The following ABCC4 variants were observed in gnomAD, a reference collection of about 807,000 sequenced individuals.
The protein encoded by ABCC4 is ATP-binding cassette sub-family C member 4.
In ABCC4, 102 loss-of-function variants were observed where a neutral mutation model predicts 168.5. The ratio of observed to expected loss-of-function variants is 0.61; its 90% CI spans 0.52 to 0.71. ABCC4 has a LOEUF of 0.71. Among genes scored for constraint, ABCC4 ranks in the 30% least tolerant of loss-of-function variants. ABCC4 has a pLI of 0.00. For synonymous variants in ABCC4, 617 were observed against 590.7 expected (o/e 1.04, Z -0.65); for missense variants, 1,402 against 1,605.8 (o/e 0.87, Z 2.17).
intron 19 of ABCC4, among the ~76,000 whole-genome samples, chr13:95,156,385 C>T (rs1355522458): frequency 5.3e-5 from 8 of 152,210 alleles, no homozygotes; most frequent in Admixed American, 1.3e-4. Flanking sequence ...CACTGAAATA[C>T]TGCAGATCAT....
intron 15 of ABCC4, among the ~76,000 whole-genome samples, chr13:95,165,776 G>A (rs2037250496): frequency 6.6e-6 from 1 of 152,160 alleles, no homozygotes; most frequent in African/African-American, 2.4e-5. Context: ...GCCCACAGCA[G>A]GACTTTCTCT....
chr13:95,123,167 T>C (rs1270327153), intron 19 of ABCC4, among the ~76,000 whole-genome samples: 4 of 152,198 alleles, frequency 2.6e-5, no homozygotes, highest in Non-Finnish European at 5.9e-5. Flanking sequence ...AACCTCATCA[T>C]CTGTTTTCCA....
intron 23 of ABCC4, 65 bp from the exon 24 acceptor site, chr13:95,073,369 C>A: frequency 8.4e-7 from 1 of 1,190,616 alleles, no homozygotes; most frequent in Admixed American, 2.0e-5. Context: ...GCTCCTTCTG[C>A]CACTTACCAA....
At chr13:95,105,635 A>G (rs552058373) in intron 20 of ABCC4, among the ~76,000 whole-genome samples, 1 of 152,242 alleles carries the variant, frequency 6.6e-6, no homozygotes, top group Admixed American at 6.5e-5. Context: ...CCAAACCTGA[A>G]ACACAATCAG....
At position 95,164,360 on chromosome 13, in the gene ABCC4, A is replaced by T. The variant is rs1454963450; in HGVS notation, c.2175+18T>A. 1 of 1,613,868 alleles carries T rather than the reference A, an allele frequency of 6.2e-7. No individual in the cohort carries two copies. The highest frequency in any genetic ancestry group is 8.5e-7 in the Non-Finnish European group (1 of 1,179,852). ...GTAAATATCATTTTGAGGGCGCAAA[A>T]CAAATGTCATTATTTACCTGAGCTG... is the stretch of plus-strand genomic sequence containing the variant. On this transcript the variant is annotated intron_variant, in intron 16 of 30. Coordinates refer to ENST00000645237, the MANE Select transcript of ABCC4 (RefSeq NM_005845.5).
At position 95,211,831 on chromosome 13, in the gene ABCC4, C is replaced by T. The variant is rs372259284; in HGVS notation, c.532-1050G>A. Reference sequence around the variant, plus strand: ...AGGCAAAAGGCAACAAGACTGTCAACGAGGGCTATGTGAATGGGAAAAAAA... The same window carrying T: ...AGGCAAAAGGCAACAAGACTGTCAATGAGGGCTATGTGAATGGGAAAAAAA... On this transcript the variant is annotated intron_variant, in intron 4 of 30. Transcript: ENST00000645237. Among the ~76,000 whole-genome samples the T allele has an allele frequency of 1.6e-4, 24 of 151,942 alleles. No individual in the cohort carries two copies. In the East Asian group the frequency reaches 2.7e-3, roughly 17 times the overall value.
At chr13:95,126,012 T>G (rs190408099) in intron 19 of ABCC4, among the ~76,000 whole-genome samples, 224 of 152,274 alleles carry the variant, frequency 1.5e-3, no homozygotes, top group Middle Eastern at 3.4e-3. Flanking sequence ...CGCTTGGAAA[T>G]GCACATGTGT....
intron 1 of ABCC4, among the ~76,000 whole-genome samples, chr13:95,274,199 T>C (rs1475352253): frequency 2.6e-5 from 4 of 152,188 alleles, no homozygotes; most frequent in African/African-American, 7.2e-5. Flanking sequence ...GCCAGTAGAT[T>C]TCTCATACAG....
Position 95,247,629 on chromosome 13 carries a change from T to G in ABCC4, c.185+14A>C, listed in dbSNP as rs752603089. On this transcript the variant is annotated intron_variant, in intron 2 of 30. Transcript: ENST00000645237. Reference sequence around the variant, plus strand: ...CACGCTTCCTTAATGCCCACTTTACTGCCTCCGACTTACCCTTGCAACTCC... The same window carrying G: ...CACGCTTCCTTAATGCCCACTTTACGGCCTCCGACTTACCCTTGCAACTCC... The G allele has an allele frequency of 1.9e-6, 3 of 1,603,552 alleles. No homozygotes were observed. In the Admixed American group the frequency reaches 5.0e-5, roughly 27 times the overall value.
At chr13:95,070,055 C>T (rs1403868104) in intron 25 of ABCC4, among the ~76,000 whole-genome samples, 1 of 152,034 alleles carries the variant, frequency 6.6e-6, no homozygotes, top group Non-Finnish European at 1.5e-5. Context: ...CCAGCCATGG[C>T]CAACATGGCA....
In ABCC4 at chr13:95,226,787, C is replaced by T. The variant is rs577157012; in HGVS notation, c.531+7823G>A. 1.0e-3 allele frequency among the ~76,000 whole-genome samples: 155 copies of T among 152,234 alleles called. 1 individual carries two copies. In the South Asian group the frequency reaches 0.011, roughly 11 times the overall value. On this transcript the variant is annotated intron_variant, in intron 4 of 30. Coordinates refer to ENST00000645237, the MANE Select transcript of ABCC4 (RefSeq NM_005845.5). ...TTCCCAGACCAGATGGTAGGACACT[C>T]GGGCTGATGAACAGCTACCATGCTT...
intron 1 of ABCC4, among the ~76,000 whole-genome samples, chr13:95,260,217 A>G (rs974882456): frequency 1.3e-5 from 2 of 152,136 alleles, no homozygotes; most frequent in African/African-American, 4.8e-5. Context: ...AATACTCCCA[A>G]CCCAACCCTG....
intron 3 of ABCC4, among the ~76,000 whole-genome samples, chr13:95,243,242 G>A (rs2039993506): frequency 6.6e-6 from 1 of 152,160 alleles, no homozygotes; most frequent in African/African-American, 2.4e-5. Context: ...CAGATACCAG[G>A]ACAGAAGAGC....
chr13:95,274,631 CA>C (rs2040927497), intron 1 of ABCC4, among the ~76,000 whole-genome samples: 1 of 152,202 alleles, frequency 6.6e-6, no homozygotes, highest in African/African-American at 2.4e-5. Context: ...CAGGCTCCTA[CA>C]GGGGGGACCA....
chr13:95,155,141 C>T (rs2036813648), intron 19 of ABCC4, among the ~76,000 whole-genome samples: 1 of 152,118 alleles, frequency 6.6e-6, no homozygotes, highest in South Asian at 2.1e-4. Context: ...ACCACTACCA[C>T]CCTCCTCCCC....
chr13:95,054,701 ACT>A (rs1288667486), intron 26 of ABCC4, among the ~76,000 whole-genome samples: 1 of 152,078 alleles, frequency 6.6e-6, no homozygotes, highest in Admixed American at 6.6e-5. Context: ...AGAAGGTGAG[ACT>A]CTTCCACAGG....
At chr13:95,299,091 C>CA (rs1234049666) in intron 1 of ABCC4, among the ~76,000 whole-genome samples, 2 of 151,056 alleles carry the variant, frequency 1.3e-5, no homozygotes, top group African/African-American at 2.5e-5. Context: ...CCTATCTCTA[C>CA]AAAAAAAATT....
chr13:95,133,382 G>A (rs2036040868), intron 19 of ABCC4, among the ~76,000 whole-genome samples: 1 of 151,944 alleles, frequency 6.6e-6, no homozygotes, highest in Non-Finnish European at 1.5e-5. Context: ...CCAAAAAGGT[G>A]GGATTACAGG....
At chr13:95,038,065 T>C (rs918096424) in intron 29 of ABCC4, among the ~76,000 whole-genome samples, 12 of 152,058 alleles carry the variant, frequency 7.9e-5, no homozygotes, top group Admixed American at 5.9e-4. Context: ...ATGTTGCCCA[T>C]GCTGGTTTTA....
Sources: gnomAD v4.1 joint callset for allele counts (sites outside exome capture counted in the v4.1 genomes callset) on GRCh38, gnomAD v4.1.1 for gene constraint, MANE v1.5 for transcripts, NCBI Gene and HGNC (gene_info 2026-07-23, HGNC 2026-07-21) for gene names.